The following DOP1B variants were observed in gnomAD, a reference collection of about 807,000 sequenced individuals.
The protein encoded by DOP1B is protein DOP1B.
Under a neutral mutation model 233.5 loss-of-function variants are expected in DOP1B, and 174 were observed. The ratio of observed to expected loss-of-function variants is 0.75; its 90% CI spans 0.66 to 0.85. The LOEUF (loss-of-function observed/expected upper bound fraction) is 0.85. Ranked by LOEUF, DOP1B falls within the 40% of genes least tolerant of loss-of-function variation. DOP1B has a pLI of 0.00. For missense variants in DOP1B, 2,652 were observed against 2,846.6 expected, an observed-to-expected ratio of 0.93 and a Z score of 1.56; for synonymous variants, 1,190 against 1,185.6, an observed-to-expected ratio of 1.00 and a Z score of -0.08.
intron 2 of DOP1B, among the ~76,000 whole-genome samples, chr21:36,175,054 C>T (rs1334857448): frequency 6.6e-6 from 1 of 152,074 alleles, no homozygotes; most frequent in Non-Finnish European, 1.5e-5. Context: ...GGTGTCTTCT[C>T]CCTGGGTCCT....
At chr21:36,270,778 G>T (rs62232376) in intron 27 of DOP1B, among the ~76,000 whole-genome samples, 1 of 150,234 alleles carries the variant, frequency 6.7e-6, no homozygotes, top group East Asian at 2.0e-4. Context: ...GCCGCGCGTG[G>T]TAGTGGGCGC....
intron 1 of DOP1B, among the ~76,000 whole-genome samples, chr21:36,160,396 C>A (rs1010819627): frequency 6.6e-6 from 1 of 151,142 alleles, no homozygotes; most frequent in Non-Finnish European, 1.5e-5. Context: ...ATGGGTCCGT[C>A]TTGGGGTTGG....
intron 17 of DOP1B, 57 bp downstream of exon 17, chr21:36,238,758 GC>G (rs1427913702): frequency 1.3e-6 from 2 of 1,556,386 alleles, no homozygotes; most frequent in East Asian, 2.2e-5. Flanking sequence ...CCACAGAGGT[GC>G]CTGCCCAACG....
intron 2 of DOP1B, among the ~76,000 whole-genome samples, chr21:36,185,661 G>T (rs935937685): frequency 4.6e-5 from 7 of 152,200 alleles, no homozygotes; most frequent in Non-Finnish European, 8.8e-5. Flanking sequence ...CTGAGGAAGT[G>T]CTGTGCCATC....
chr21:36,246,472 C>G lies in DOP1B; in HGVS notation c.4492C>G (p.Leu1498Val). 1 of 1,614,122 alleles carries G rather than the reference C, an allele frequency of 6.2e-7. No individual in the cohort carries two copies. Among genetic ancestry groups the G allele is most frequent in the Non-Finnish European group, 8.5e-7 (1 of 1,180,028 alleles). The change falls in exon 19 of 37, where the codon CTT becomes GTT. Residue 1498 changes from leucine to valine, a missense_variant. Around this residue, in one of 3 missense-constraint regions of DOP1B, gnomAD observed 2,617 missense variants for 2,794.3 expected, o/e 0.94. Coordinates refer to ENST00000691173, the MANE Select transcript of DOP1B (RefSeq NM_001320714.2). The surrounding 1 kb of genome is among the most constrained non-coding windows in gnomAD (Gnocchi z 5.1). ...GCCCCACCCCCTCACCTCCCAGGGTCTTCTGGTCTCTGCGGTGGTGAGGGG... is the reference window on the plus strand; with the variant it reads ...GCCCCACCCCCTCACCTCCCAGGGTGTTCTGGTCTCTGCGGTGGTGAGGGG... ...VQPHPLTSQG[L>V]LVSAVVRGLQ...
At chr21:36,281,277 T>C (rs1194591351) in intron 31 of DOP1B, among the ~76,000 whole-genome samples, 1 of 152,186 alleles carries the variant, frequency 6.6e-6, no homozygotes, top group East Asian at 1.9e-4. Context: ...GGCTGGGTGA[T>C]AGAATGAGAT....
chr21:36,214,423 G>A lies in DOP1B; in HGVS notation c.1015-19G>A, dbSNP rs2066536702. 10 of 1,601,428 alleles carry A rather than the reference G, an allele frequency of 6.2e-6. No individual in the cohort carries two copies. Among genetic ancestry groups the A allele is most frequent in the Middle Eastern group, 1.7e-4 (1 of 6,034 alleles). ...TATGATATACGATATTCTAATATGT[G>A]GCTTTTTTTAAATAATAGGGTTTGG... is the stretch of plus-strand genomic sequence containing the variant. On this transcript the variant is annotated intron_variant, in intron 8 of 36. Transcript: ENST00000691173.
chr21:36,247,359 A>T (rs1243935329), intron 19 of DOP1B, among the ~76,000 whole-genome samples, 158 bp from the exon 20 acceptor site: 2 of 152,236 alleles, frequency 1.3e-5, no homozygotes, highest in Admixed American at 6.5e-5. Flanking sequence ...CACACAAAGG[A>T]TGGTTAACAT....
Position 36,292,264 on chromosome 21 carries a change from T to C in DOP1B, c.6645+31T>C, listed in dbSNP as rs569533066. On this transcript the variant is annotated intron_variant, in intron 36 of 36. Coordinates refer to ENST00000691173, the MANE Select transcript of DOP1B (RefSeq NM_001320714.2). The stretch of plus-strand genomic sequence containing the variant: ...TGCTTTTCTTTTCTTTTCTTTTTTT[T>C]TTTTTTTGGTGAGACAGAGTTTCAC... 1.1e-5 allele frequency: 17 copies of C among 1,535,720 alleles called. No individual in the cohort carries two copies. The African/African-American group carries it at 1.8e-4, about 17-fold the overall frequency.
chr21:36,253,670 A>G, intron 22 of DOP1B, 102 bp from the exon 23 acceptor site: 1 of 1,250,490 alleles, frequency 8.0e-7, no homozygotes, highest in South Asian at 1.6e-5. Flanking sequence ...AAACAGATTG[A>G]TTTCTCCAGG....
intron 10 of DOP1B, among the ~76,000 whole-genome samples, chr21:36,220,667 ATTTTT>A (rs201067094): frequency 7.4e-6 from 1 of 134,898 alleles, no homozygotes; most frequent in Non-Finnish European, 1.6e-5. Flanking sequence ...TGCCCAGCTA[ATTTTT>A]TTTTTTTTTT....
Position 36,245,121 on chromosome 21 carries a change from G to C in DOP1B, c.3141G>C (p.Glu1047Asp). 6.2e-7 allele frequency: 1 copy of C among 1,613,730 alleles called. No homozygotes were observed. The highest frequency in any genetic ancestry group is 8.5e-7 in the Non-Finnish European group (1 of 1,179,854). Reference protein sequence around the residue: ...REACAVPEPQESGSEEHLPLS... With the variant: ...REACAVPEPQDSGSEEHLPLS... ...CATGCGCAGTGCCCGAGCCTCAGGA[G>C]AGCGGCTCTGAAGAGCACCTGCCTC... The change falls in exon 19 of 37, where the codon GAG becomes GAC. Residue 1047 changes from glutamate (E) to aspartate (D), a missense_variant. This residue lies in a region of DOP1B where 2,617 missense variants were observed against 2,794.3 expected (regional missense o/e 0.94). Coordinates refer to ENST00000691173, the MANE Select transcript of DOP1B (RefSeq NM_001320714.2). This position sits in a 1 kb window ranked among gnomAD's most constrained non-coding sequence, Gnocchi z 5.5.
At chr21:36,196,006 G>A (rs1000846016) in intron 2 of DOP1B, among the ~76,000 whole-genome samples, 2 of 152,172 alleles carry the variant, frequency 1.3e-5, no homozygotes, top group Non-Finnish European at 2.9e-5. Flanking sequence ...CATCTTGTTG[G>A]CCCCAAGTAT....
Position 36,246,198 on chromosome 21 carries a change from C to T in DOP1B, c.4218C>T (p.Thr1406=), listed in dbSNP as rs199523313. 33 of 1,613,764 alleles carry T rather than the reference C, an allele frequency of 2.0e-5. No individual in the cohort carries two copies. The highest frequency in any genetic ancestry group is 5.3e-5 in the African/African-American group (4 of 75,040). ...GCCAGAAGCGCTACGGGCTGGCCAC[C>T]GCCCACCACGGCAGGGCCCTGCCAG... The part of the protein sequence containing the change: ...YTSQKRYGLA[T]AHHGRALPED... The change falls in exon 19 of 37, where the codon ACC becomes ACT. Residue 1406 remains threonine, a synonymous_variant. Transcript: ENST00000691173. This position sits in a 1 kb window ranked among gnomAD's most constrained non-coding sequence, Gnocchi z 5.1.
Position 36,230,773 on chromosome 21 carries a change from G to A in DOP1B, c.1989G>A (p.Arg663=). ...AGTCCGAGGAGCCTGCAGGGAAGAG[G>A]GACAGGGATGGGACGCAGAGCCTGG... is the stretch of plus-strand genomic sequence containing the variant. ...ESKSEEPAGK[R]DRDGTQSLAA... is the part of the protein sequence containing the mutation. Residue 663 remains arginine, a synonymous_variant, in exon 14 of 37, where the codon AGG becomes AGA. Transcript: ENST00000691173. The A allele has an allele frequency of 1.9e-6, 3 of 1,614,180 alleles. No homozygotes were observed. Among genetic ancestry groups the A allele is most frequent in the African/African-American group, 1.3e-5 (1 of 75,048 alleles).
At chr21:36,291,287 G>A (rs1417252183) in intron 35 of DOP1B, among the ~76,000 whole-genome samples, 4 of 149,948 alleles carry the variant, frequency 2.7e-5, no homozygotes, top group African/African-American at 7.4e-5. Context: ...GAGGCTAGGC[G>A]CAGTGGCTCA....
intron 14 of DOP1B, 147 bp downstream of exon 14, chr21:36,231,281 C>T (rs2066762165): frequency 3.8e-6 from 4 of 1,065,694 alleles, no homozygotes; most frequent in East Asian, 2.6e-5. Flanking sequence ...ATTTGCCTTA[C>T]ACTTACCGAT....
intron 10 of DOP1B, among the ~76,000 whole-genome samples, chr21:36,220,529 G>A (rs1358931270): frequency 1.3e-5 from 2 of 151,980 alleles, no homozygotes; most frequent in Non-Finnish European, 2.9e-5. Flanking sequence ...GTTTGGTTTT[G>A]AGACAGGGTC....
chr21:36,283,208 G>A (rs952578905), intron 32 of DOP1B, among the ~76,000 whole-genome samples: 13 of 151,886 alleles, frequency 8.6e-5, no homozygotes, highest in African/African-American at 2.4e-4. Context: ...CAGCCTCCAA[G>A]TAGCTGGGAT....
Sources: gnomAD v4.1 joint callset for allele counts (sites outside exome capture counted in the v4.1 genomes callset) on GRCh38, gnomAD v4.1.1 for gene constraint, gnomAD v4.1.1 regional missense constraint, Gnocchi (gnomAD v3.1) non-coding constraint, MANE v1.5 for transcripts, NCBI Gene and HGNC (gene_info 2026-07-23, HGNC 2026-07-21) for gene names.